ADARB1: variants seen among roughly 807,000 people sequenced by gnomAD.
The protein encoded by ADARB1 is double-stranded RNA-specific editase 1.
ADARB1 carries 10 observed loss-of-function variants against 52.4 expected under a neutral mutation model. That is an observed-to-expected ratio of 0.19 (90% CI 0.12 to 0.32). ADARB1 has a LOEUF of 0.32. ADARB1 is among the 10% of genes least tolerant of loss of function. The probability of loss-of-function intolerance (pLI) is 1.00; values close to 1 mark genes in which losing one functional copy is unlikely to be tolerated. For missense variants in ADARB1, 643 were observed against 922.3 expected (o/e 0.70, Z 3.92); for synonymous variants, 349 against 371.1 (o/e 0.94, Z 0.68).
chr21:45,098,044 C>T (rs947266562), intron 1 of ADARB1, among the ~76,000 whole-genome samples: 12 of 152,320 alleles, frequency 7.9e-5, no homozygotes, highest in Non-Finnish European at 1.5e-4. Context: ...CTAGCCACCT[C>T]GCTTTCCCTC....
intron 9 of ADARB1, among the ~76,000 whole-genome samples, chr21:45,206,851 G>A (rs1455171478): frequency 5.9e-5 from 9 of 152,162 alleles, no homozygotes; most frequent in Non-Finnish European, 1.3e-4. Flanking sequence ...TAGGATTACA[G>A]GCGTGAGCCA....
intron 1 of ADARB1, among the ~76,000 whole-genome samples, chr21:45,084,573 T>C (rs559025853): frequency 6.6e-6 from 1 of 152,222 alleles, no homozygotes; most frequent in Non-Finnish European, 1.5e-5. Context: ...TTAGTTGTCT[T>C]GAATTAAATT....
chr21:45,116,408 T>C (rs545022679), intron 1 of ADARB1, among the ~76,000 whole-genome samples: 1 of 152,380 alleles, frequency 6.6e-6, no homozygotes, highest in East Asian at 1.9e-4. Flanking sequence ...ACAGTATGCT[T>C]ATTACAGACT....
Position 45,175,892 on chromosome 21 carries a change from A to G in ADARB1, c.191A>G (p.Lys64Arg). The G allele has an allele frequency of 6.2e-7, 1 of 1,611,482 alleles. No homozygotes were observed. Among genetic ancestry groups the G allele is most frequent in the Non-Finnish European group, 8.5e-7 (1 of 1,178,880 alleles). The change falls in exon 4 of 11, where the codon AAG (lysine) becomes AGG (arginine). Residue 64 changes from lysine (K) to arginine (R), a missense_variant. Transcript: ENST00000348831. ...GAGGAGGGCAGCAATGGCCACTCCA[A>G]GTACCGCCTGAAGAAAAGGAGGAAA... ...PLEEGSNGHS[K>R]YRLKKRRKTP...
chr21:45,163,537 C>G lies in ADARB1; in HGVS notation c.-47-8073C>G, dbSNP rs187629970. On this transcript the variant is annotated intron_variant, in intron 2 of 10. Transcript: ENST00000348831. ...CACAAGGAGCCAGGAATCTCCCCCC[C>G]ACCTCCACCCTGCACCAGGGGCGCT... 1.9e-3 allele frequency among the ~76,000 whole-genome samples: 282 copies of G among 152,290 alleles called. 1 individual carries two copies. The highest frequency in any genetic ancestry group is 6.5e-3 in the African/African-American group (270 of 41,538).
Position 45,182,603 on chromosome 21 carries a change from C to G in ADARB1, c.1097C>G (p.Ala366Gly). ...TTTTCAGGCACAGATGTTAAAGATG[C>G]CAAGGTGATAAGTGTTTCTACAGGA... ...VMTTGTDVKDAKVISVSTGTK... is the reference protein window; with the variant it reads ...VMTTGTDVKDGKVISVSTGTK... The change falls in exon 6 of 11, where the codon GCC becomes GGC. Residue 366 changes from alanine (A) to glycine (G), a missense_variant. Ala to Gly is a moderately conservative substitution (Grantham distance 60). Coordinates refer to ENST00000348831, the MANE Select transcript of ADARB1 (RefSeq NM_001112.4). 1 of 1,589,904 alleles carries G rather than the reference C, an allele frequency of 6.3e-7. No homozygotes were observed. Among genetic ancestry groups the G allele is most frequent in the South Asian group, 1.2e-5 (1 of 85,284 alleles).
At chr21:45,097,060 CTCAAGTAGCTTCCTCT>C (rs2086795399) in intron 1 of ADARB1, among the ~76,000 whole-genome samples, 2 of 151,860 alleles carry the variant, frequency 1.3e-5, no homozygotes, top group Admixed American at 1.3e-4. Flanking sequence ...TTTAAATGTT[CTCAAGTAGCTTCCTCT>C]TCAAGTCCGG....
At chr21:45,164,025 A>C (rs752787995) in intron 2 of ADARB1, among the ~76,000 whole-genome samples, 1 of 152,222 alleles carries the variant, frequency 6.6e-6, no homozygotes, top group Non-Finnish European at 1.5e-5. Context: ...CATCCAGTTG[A>C]CACCTTTCAA....
At chr21:45,147,574 C>T (rs2090068042) in intron 2 of ADARB1, among the ~76,000 whole-genome samples, 1 of 152,196 alleles carries the variant, frequency 6.6e-6, no homozygotes. Flanking sequence ...CTGATGTTTT[C>T]CACACGCCTC....
intron 4 of ADARB1, chr21:45,177,364 G>C (rs1285106691): frequency 1.3e-5 from 2 of 152,436 alleles, no homozygotes; most frequent in East Asian, 1.9e-4. Context: ...CGCATGCCCA[G>C]GCTGGAGGTG....
intron 1 of ADARB1, among the ~76,000 whole-genome samples, chr21:45,111,084 G>A (rs1040990221): frequency 2.6e-5 from 4 of 152,162 alleles, no homozygotes; most frequent in African/African-American, 9.6e-5. Flanking sequence ...ACAAGAGGAA[G>A]GCGCAGCTGA....
intron 1 of ADARB1, among the ~76,000 whole-genome samples, chr21:45,118,848 T>C (rs2087980116): frequency 6.6e-6 from 1 of 152,218 alleles, no homozygotes; most frequent in Non-Finnish European, 1.5e-5. Context: ...CCCTCACCTC[T>C]GTTGTCTTGC....
intron 5 of ADARB1, 58 bp downstream of exon 5, chr21:45,180,502 A>T (rs760748663): frequency 1.9e-5 from 27 of 1,407,352 alleles, no homozygotes; most frequent in Non-Finnish European, 2.7e-5. Flanking sequence ...CAAATGTGAA[A>T]TGTTCTCAAT....
intron 1 of ADARB1, among the ~76,000 whole-genome samples, chr21:45,097,702 T>A (rs933013183): frequency 1.3e-5 from 2 of 152,020 alleles, no homozygotes; most frequent in Admixed American, 6.5e-5. Flanking sequence ...ACTGTGGTGA[T>A]GGGGAGGGTA....
intron 1 of ADARB1, among the ~76,000 whole-genome samples, chr21:45,085,519 T>C (rs2086306116): frequency 6.6e-6 from 1 of 152,220 alleles, no homozygotes; most frequent in African/African-American, 2.4e-5. Flanking sequence ...CCATTCTCGA[T>C]ATGAATGAAA....
Position 45,220,755 on chromosome 21 carries a change from GCA to G in ADARB1, c.1748-78_1748-77del, listed in dbSNP as rs1220474618. The stretch of plus-strand genomic sequence containing the variant: ...CACGCACTTCTGTGGCCATGTCTGA[GCA>G]CAGTGTGCCGCCCGTGGCTGCTCCC... On this transcript the variant is annotated intron_variant, in intron 9 of 10. Transcript: ENST00000348831. This position sits in a 1 kb window ranked among gnomAD's most constrained non-coding sequence, Gnocchi z 6.3. The G allele has an allele frequency of 2.0e-5, 30 of 1,489,554 alleles. No individual in the cohort carries two copies. Among genetic ancestry groups the G allele is most frequent in the Non-Finnish European group, 2.6e-5 (28 of 1,083,478 alleles). 92.3% of individuals were successfully genotyped at this position (1,489,554 alleles called of 1,614,324 possible). A position where few individuals can be genotyped will look rare whatever the true frequency, so the allele number is the denominator to read the frequency against.
chr21:45,148,083 G>A (rs879652929), intron 2 of ADARB1, among the ~76,000 whole-genome samples: 7 of 152,188 alleles, frequency 4.6e-5, no homozygotes, highest in Non-Finnish European at 8.8e-5. Context: ...CCCGTCACAA[G>A]CTAAGCATCT....
chr21:45,097,968 C>G (rs963833622), intron 1 of ADARB1, among the ~76,000 whole-genome samples: 11 of 152,118 alleles, frequency 7.2e-5, no homozygotes, highest in Non-Finnish European at 1.5e-4. Context: ...CCTAAATTTC[C>G]TAGCCTTTCT....
At chr21:45,108,264 A>G (rs2087349595) in intron 1 of ADARB1, among the ~76,000 whole-genome samples, 1 of 152,244 alleles carries the variant, frequency 6.6e-6, no homozygotes. Flanking sequence ...AACATGGCCC[A>G]TACACTTTAC....
Sources: allele counts gnomAD v4.1 joint callset (sites outside exome capture counted in the v4.1 genomes callset), GRCh38; gene constraint gnomAD v4.1.1; non-coding constraint Gnocchi (gnomAD v3.1); transcripts MANE v1.5; gene names NCBI Gene and HGNC (gene_info 2026-07-23, HGNC 2026-07-21).